Variants in ANO6 observed in about 807,000 individuals in gnomAD.
ANO6 encodes anoctamin-6.
Under a neutral mutation model 117.5 loss-of-function variants are expected in ANO6, and 106 were observed. The observed-to-expected ratio is 0.90, with a 90% CI of 0.77 to 1.06. The LOEUF (loss-of-function observed/expected upper bound fraction) is 1.06, where lower values mean the gene tolerates loss of function less well. Among genes scored for constraint, ANO6 ranks in the 50% least tolerant of loss-of-function variants. ANO6 has a pLI of 0.00. For synonymous variants in ANO6, 367 were observed against 385.1 expected (o/e 0.95, Z 0.55); for missense variants, 955 against 1,121.1 (o/e 0.85, Z 2.12).
intron 11 of ANO6, among the ~76,000 whole-genome samples, chr12:45,389,908 T>G (rs998002253): frequency 3.9e-4 from 60 of 152,242 alleles, no homozygotes; most frequent in Admixed American, 3.2e-3. Context: ...AGGTAAATCA[T>G]GTAGAGGGTT....
In ANO6 at chr12:45,430,774, C is replaced by T; in HGVS notation, c.*1463C>T. 1.0e-6 allele frequency: 1 copy of T among 985,388 alleles called. No individual in the cohort carries two copies. The highest frequency in any genetic ancestry group is 1.2e-6 in the Non-Finnish European group (1 of 829,960). 61.0% of individuals were successfully genotyped at this position (985,388 alleles called of 1,614,324 possible). The stretch of plus-strand genomic sequence containing the variant: ...CTAGCAGTCTACTTCACTTTATTGC[C>T]TTGTAAGTGTCAGGCCTCCTGGGCG... On this transcript the variant is annotated 3_prime_UTR_variant, in exon 20 of 20. Transcript: ENST00000320560.
chr12:45,327,206 G>C (rs764359121), intron 2 of ANO6, among the ~76,000 whole-genome samples: 5 of 152,060 alleles, frequency 3.3e-5, no homozygotes, highest in Non-Finnish European at 7.4e-5. Context: ...AGTATCCATA[G>C]CAAAGTTAGA....
chr12:45,310,446 T>A (rs965844370), intron 2 of ANO6, among the ~76,000 whole-genome samples: 5 of 152,094 alleles, frequency 3.3e-5, no homozygotes, highest in African/African-American at 9.7e-5. Flanking sequence ...ATGCTTAGCA[T>A]GATCAGAGAG....
chr12:45,357,464 T>A (rs1248872750), intron 8 of ANO6, 40 bp downstream of exon 8: 2 of 1,610,852 alleles, frequency 1.2e-6, no homozygotes, highest in Non-Finnish European at 8.5e-7. Context: ...CTGAAAAGTT[T>A]ATTAGACATA....
chr12:45,293,603 C>T (rs1161551583), intron 1 of ANO6, among the ~76,000 whole-genome samples: 4 of 151,940 alleles, frequency 2.6e-5, no homozygotes, highest in East Asian at 1.9e-4. Context: ...GCTCTGTTGC[C>T]AGGCTGGAGT....
At chr12:45,392,626 T>A (rs59348316) in intron 12 of ANO6, among the ~76,000 whole-genome samples, 12,102 of 152,178 alleles carry the variant, frequency 0.08, 761 homozygotes, top group African/African-American at 0.17. Context: ...TATAGGGTGC[T>A]ACCTCTCTGG....
intron 3 of ANO6, among the ~76,000 whole-genome samples, chr12:45,345,425 G>C (rs1215543205): frequency 6.6e-6 from 1 of 152,096 alleles, no homozygotes; most frequent in Non-Finnish European, 1.5e-5. Context: ...GGCAGATCAT[G>C]AGTATTGTTC....
chr12:45,340,114 GATGTGTA>G (rs1175394802), intron 3 of ANO6, among the ~76,000 whole-genome samples: 108 of 152,224 alleles, frequency 7.1e-4, no homozygotes, highest in South Asian at 4.4e-3. Context: ...AGCCAAATGA[GATGTGTA>G]ATGTGTAATG....
intron 1 of ANO6, among the ~76,000 whole-genome samples, chr12:45,219,079 A>G (rs1352668342): frequency 1.3e-5 from 2 of 152,164 alleles, no homozygotes; most frequent in Non-Finnish European, 2.9e-5. Flanking sequence ...CTCTGGGATT[A>G]CAGGCATGAG....
At chr12:45,359,580 CCTA>C (rs1257690082) in intron 8 of ANO6, among the ~76,000 whole-genome samples, 2 of 152,188 alleles carry the variant, frequency 1.3e-5, no homozygotes, top group African/African-American at 4.8e-5. Context: ...TTTCATTTCA[CCTA>C]CTGTTTTCAA....
chr12:45,333,303 A>C (rs1321467955), intron 3 of ANO6, among the ~76,000 whole-genome samples: 2 of 152,080 alleles, frequency 1.3e-5, no homozygotes, highest in African/African-American at 4.8e-5. Context: ...CACTAAAGTA[A>C]AACAGCTTAG....
At position 45,348,259 on chromosome 12, in the gene ANO6, G is replaced by T. The variant is rs145491348; in HGVS notation, c.577G>T (p.Asp193Tyr). ...CCCATTTGAGAAGAACCGGATGAATGATTTTTACATAGTTGATAGAGATGC... is the reference window on the plus strand; with the variant it reads ...CCCATTTGAGAAGAACCGGATGAATTATTTTTACATAGTTGATAGAGATGC... ...TAPFEKNRMN[D>Y]FYIVDRDAFF... The change falls in exon 5 of 20, where the codon GAT becomes TAT. Residue 193 changes from aspartate (D) to tyrosine (Y), a missense_variant. Coordinates refer to ENST00000320560, the MANE Select transcript of ANO6 (RefSeq NM_001025356.3). The T allele has an allele frequency of 1.6e-5, 26 of 1,614,062 alleles. No individual in the cohort carries two copies. In the African/African-American group the frequency reaches 3.3e-4, roughly 21 times the overall value.
chr12:45,428,639 G>C (rs11611476), intron 19 of ANO6, among the ~76,000 whole-genome samples: 23,377 of 152,040 alleles, frequency 0.15, 2,765 homozygotes, highest in East Asian at 0.35. Flanking sequence ...TGAAGTCAAG[G>C]AAGACTATAT....
In ANO6 at chr12:45,371,894, C is replaced by A. The variant is rs1941850579; in HGVS notation, c.1104+4101C>A. Among the ~76,000 whole-genome samples the A allele has an allele frequency of 2.6e-5, 4 of 151,994 alleles. No individual in the cohort carries two copies. The South Asian group carries it at 8.3e-4, about 32-fold the overall frequency. The stretch of plus-strand genomic sequence containing the variant: ...TTGACGAGCTGAGAGAAGAAGGCTT[C>A]AGACGATCAAATTACTCTGAGCTAC... On this transcript the variant is annotated intron_variant, in intron 9 of 19. Coordinates refer to ENST00000320560, the MANE Select transcript of ANO6 (RefSeq NM_001025356.3).
intron 8 of ANO6, among the ~76,000 whole-genome samples, chr12:45,364,664 C>T (rs1173044340): frequency 6.6e-6 from 1 of 152,084 alleles, no homozygotes; most frequent in African/African-American, 2.4e-5. Flanking sequence ...TATTGATATT[C>T]TCTTTGTTGT....
At chr12:45,428,959 C>T (rs887090932) in intron 19 of ANO6, 146 bp from the exon 20 acceptor site, 1 of 889,618 alleles carries the variant, frequency 1.1e-6, no homozygotes, top group Admixed American at 2.1e-5. Flanking sequence ...GTTGATTAGA[C>T]ACAATGGCAT....
intron 1 of ANO6, among the ~76,000 whole-genome samples, chr12:45,264,720 T>G (rs547877066): frequency 2.6e-5 from 4 of 152,334 alleles, no homozygotes; most frequent in Non-Finnish European, 5.9e-5. Context: ...ATCTTGCTTC[T>G]AAGATCAAAT....
At chr12:45,288,436 TTC>T (rs147239533) in intron 1 of ANO6, among the ~76,000 whole-genome samples, 7,900 of 152,250 alleles carry the variant, frequency 0.052, 682 homozygotes, top group African/African-American at 0.18. Context: ...CCATTCTACT[TTC>T]TGTCTCTGTG....
At chr12:45,307,613 G>A (rs1055947078) in intron 2 of ANO6, among the ~76,000 whole-genome samples, 3 of 152,114 alleles carry the variant, frequency 2.0e-5, no homozygotes, top group African/African-American at 7.2e-5. Flanking sequence ...CCCAACCCCC[G>A]ATGTGAGAGT....
Sources: gnomAD v4.1 joint callset for allele counts (sites outside exome capture counted in the v4.1 genomes callset) on GRCh38, gnomAD v4.1.1 for gene constraint, MANE v1.5 for transcripts, NCBI Gene and HGNC (gene_info 2026-07-23, HGNC 2026-07-21) for gene names.